The following TSPAN1 variants were observed in gnomAD, a reference collection of about 807,000 sequenced individuals.
The protein encoded by TSPAN1 is tetraspanin 1.
In TSPAN1, 23 loss-of-function variants were observed where a neutral mutation model predicts 26.9. The ratio of observed to expected loss-of-function variants is 0.85; its 90% CI spans 0.62 to 1.21. The LOEUF (loss-of-function observed/expected upper bound fraction) is 1.21. TSPAN1 is among the 50% of genes most tolerant of loss of function. TSPAN1 has a pLI of 0.00. For synonymous variants in TSPAN1, 115 were observed against 114.8 expected, an observed-to-expected ratio of 1.00 and a Z score of -0.01; for missense variants, 283 against 298.4, an observed-to-expected ratio of 0.95 and a Z score of 0.38.
At chr1:46,193,995 C>G in the TSPAN1 span, 11 of 1,596,990 alleles carry the variant, frequency 6.9e-6, no homozygotes, top group Non-Finnish European at 9.4e-6. Context: ...CTAGGGAAGA[C>G]TTCTCAGGTG....
chr1:46,179,428 C>A (rs563717611), intron 1 of TSPAN1, among the ~76,000 whole-genome samples: 8 of 152,082 alleles, frequency 5.3e-5, no homozygotes, highest in Admixed American at 2.0e-4. Context: ...CCTTCTAGAG[C>A]AGGAAGAAAA....
chr1:46,189,351 C>T, downstream of TSPAN1: 1 of 1,613,928 alleles, frequency 6.2e-7, no homozygotes, highest in Non-Finnish European at 8.5e-7. Flanking sequence ...AGGGTGGCTT[C>T]TTCACTCTGG....
the TSPAN1 span, chr1:46,194,860 G>A: frequency 2.4e-5 from 39 of 1,613,984 alleles, no homozygotes; most frequent in East Asian, 4.5e-5. Context: ...TTCGTCCCAC[G>A]AAGGCCCATG....
downstream of TSPAN1, among the ~76,000 whole-genome samples, chr1:46,186,502 T>TG (rs1290900767): frequency 2.2e-4 from 33 of 147,632 alleles, no homozygotes; most frequent in South Asian, 4.3e-4. Context: ...TTTTTTTTTT[T>TG]TTTTTGGGAC....
the TSPAN1 span, chr1:46,193,547 C>A: frequency 6.2e-7 from 1 of 1,614,178 alleles, no homozygotes; most frequent in Non-Finnish European, 8.5e-7. Context: ...CCGAGGCACC[C>A]CCCAAGTCCT....
At chr1:46,184,930 G>T in intron 6 of TSPAN1, 30 bp from the exon 7 acceptor site, 9 of 1,614,092 alleles carry the variant, frequency 5.6e-6, no homozygotes, top group Non-Finnish European at 7.6e-6. Context: ...AAGAAGCAAG[G>T]CCCCACCTCC....
chr1:46,180,775 GA>G, intron 2 of TSPAN1, 117 bp downstream of exon 2: 1 of 361,822 alleles, frequency 2.8e-6, no homozygotes, highest in East Asian at 5.7e-5. Context: ...GTGTGGGGGG[GA>G]GCACAGGATA....
At chr1:46,176,820 A>C (rs1034891140) in intron 1 of TSPAN1, among the ~76,000 whole-genome samples, 2 of 152,294 alleles carry the variant, frequency 1.3e-5, no homozygotes, top group African/African-American at 2.4e-5. Flanking sequence ...ACGTTATCTC[A>C]TTTAATCTCA....
At chr1:46,190,163 G>GCCTCCCAA (rs1657648650), downstream of TSPAN1, 2 of 791,532 alleles carry the variant, frequency 2.5e-6, no homozygotes, top group African/African-American at 3.6e-5. Context: ...TCCTGCCTCA[G>GCCTCCCAA]CCTCCCAAGT....
chr1:46,189,108 G>C (rs1033658109), downstream of TSPAN1: 4 of 1,497,452 alleles, frequency 2.7e-6, no homozygotes, highest in Non-Finnish European at 3.5e-6. Flanking sequence ...CGGGGTGTTG[G>C]AGCAGGGGAA....
At chr1:46,192,262 G>C in the TSPAN1 span, 8 of 1,614,144 alleles carry the variant, frequency 5.0e-6, no homozygotes, top group African/African-American at 1.3e-5. Flanking sequence ...AAGATGTTTC[G>C]AGTTGGTAGG....
chr1:46,185,141 G>A, intron 7 of TSPAN1, 26 bp downstream of exon 7: 1 of 1,614,238 alleles, frequency 6.2e-7, no homozygotes, highest in Non-Finnish European at 8.5e-7. Context: ...AGTGGGTGGG[G>A]ACTGTTTTCA....
chr1:46,181,085 A>T lies in TSPAN1; in HGVS notation c.-8-15A>T. The stretch of plus-strand genomic sequence containing the variant: ...GGGGAAACAAGGCCCTAACTTGCAC[A>T]TGTCTACCTCCCAGGAGCCACCATG... On this transcript the variant is annotated splice_polypyrimidine_tract_variant and intron_variant, in intron 2 of 8. Transcript: ENST00000372003. 3 of 1,613,404 alleles carry T rather than the reference A, an allele frequency of 1.9e-6. No homozygotes were observed. The highest frequency in any genetic ancestry group is 2.5e-6 in the Non-Finnish European group (3 of 1,179,632).
intron 1 of TSPAN1, chr1:46,175,951 C>A: frequency 2.0e-6 from 1 of 503,642 alleles, no homozygotes; most frequent in Non-Finnish European, 3.5e-6. Flanking sequence ...TGGCTCACTG[C>A]AACCTCTGCC....
In TSPAN1 at chr1:46,184,586, CCACT is replaced by C. The variant is rs1295864986; in HGVS notation, c.265-5_265-2del. 9 of 1,613,998 alleles carry C rather than the reference CCACT, an allele frequency of 5.6e-6. No homozygotes were observed. Among genetic ancestry groups the C allele is most frequent in the Non-Finnish European group, 7.6e-6 (9 of 1,180,014 alleles). Reference sequence around the variant, plus strand: ...TCCCTAAAACCCAGACCCCTGTTCCCCACTCAGTTCTTCTTCATCCTCCTCCTCA... The same window carrying C: ...TCCCTAAAACCCAGACCCCTGTTCCCCAGTTCTTCTTCATCCTCCTCCTCA... On this transcript the variant is annotated splice_polypyrimidine_tract_variant and splice_region_variant and intron_variant, in intron 4 of 8. Transcript: ENST00000372003.
downstream of TSPAN1, chr1:46,190,639 GC>G: frequency 6.5e-7 from 1 of 1,535,360 alleles, no homozygotes; most frequent in Non-Finnish European, 9.0e-7. Flanking sequence ...AAACACACAG[GC>G]CCAGCATTGG....
At chr1:46,187,356 G>A (rs920095236), downstream of TSPAN1, among the ~76,000 whole-genome samples, 2 of 152,128 alleles carry the variant, frequency 1.3e-5, no homozygotes, top group African/African-American at 4.8e-5. Flanking sequence ...GAGGCCTGAG[G>A]GAGGCTATGG....
downstream of TSPAN1, chr1:46,189,699 A>G (rs529191076): frequency 1.3e-6 from 2 of 1,548,534 alleles, no homozygotes; most frequent in Non-Finnish European, 1.7e-6. Context: ...ATCTTTTAGA[A>G]TATGAATTTG....
chr1:46,193,490 C>T, the TSPAN1 span: 2 of 1,612,876 alleles, frequency 1.2e-6, no homozygotes. Flanking sequence ...TGGGCGGTCT[C>T]CCTTGCCCGT....
Sources: gnomAD v4.1 joint callset for allele counts (sites outside exome capture counted in the v4.1 genomes callset) on GRCh38, gnomAD v4.1.1 for gene constraint, MANE v1.5 for transcripts, NCBI Gene and HGNC (gene_info 2026-07-23, HGNC 2026-07-21) for gene names.